The following MYO19 variants were observed in gnomAD, a reference collection of about 807,000 sequenced individuals.
MYO19 encodes the protein unconventional myosin-XIX.
Under a neutral mutation model 129.2 loss-of-function variants are expected in MYO19, and 132 were observed. The ratio of observed to expected loss-of-function variants is 1.02; its 90% CI spans 0.89 to 1.18. The LOEUF (loss-of-function observed/expected upper bound fraction) is 1.18. Among genes scored for constraint, MYO19 ranks in the 50% most tolerant of loss-of-function variants. The probability of loss-of-function intolerance (pLI) is 0.00; values close to 1 mark genes in which losing one functional copy is unlikely to be tolerated. For synonymous variants in MYO19, 531 were observed against 477.2 expected, an observed-to-expected ratio of 1.11 and a Z score of -1.47; for missense variants, 1,210 against 1,216.7, an observed-to-expected ratio of 0.99 and a Z score of 0.08.
At chr17:36,497,323 A>G (rs2071078890) in intron 25 of MYO19, among the ~76,000 whole-genome samples, 1 of 151,266 alleles carries the variant, frequency 6.6e-6, no homozygotes, top group Non-Finnish European at 1.5e-5. Flanking sequence ...ATAACATGAA[A>G]AAAAAAAAAA....
At chr17:36,503,562 C>G (rs1052381091) in intron 20 of MYO19, among the ~76,000 whole-genome samples, 2 of 152,210 alleles carry the variant, frequency 1.3e-5, no homozygotes. Context: ...CCACATCTCC[C>G]CTCTGACCTC....
Position 36,510,874 on chromosome 17 carries a change from G to A in MYO19, c.1029C>T (p.Asp343=), listed in dbSNP as rs1032683198. 23 of 1,582,358 alleles carry A rather than the reference G, an allele frequency of 1.5e-5. No homozygotes were observed. The highest frequency in any genetic ancestry group is 3.6e-5 in the Admixed American group (2 of 55,646). Residue 343 remains aspartate (D), a synonymous_variant, in exon 13 of 26, where the codon GAC becomes GAT. Transcript: ENST00000614623. ...TAATCTGCACCATCTCCAGCAGCACGTCCTCTGGGAGCCCCAGCAGCGAGG... is the reference window on the plus strand; with the variant it reads ...TAATCTGCACCATCTCCAGCAGCACATCCTCTGGGAGCCCCAGCAGCGAGG... ...TAASLLGLPE[D]VLLEMVQIRT... is the part of the protein sequence containing the mutation.
chr17:36,507,805 G>C lies in MYO19; in HGVS notation c.1351C>G (p.Gln451Glu). The change falls in exon 15 of 26, where the codon CAG (glutamine) becomes GAG (glutamate). Residue 451 changes from glutamine (Q) to glutamate (E), a missense_variant and splice_region_variant. Transcript: ENST00000614623. ...CTCCTGCTCACCCCATCCCTCACCTGCTGGGCCCTTAGGTAGTGAGCCACA... is the reference window on the plus strand; with the variant it reads ...CTCCTGCTCACCCCATCCCTCACCTCCTGGGCCCTTAGGTAGTGAGCCACA... ...HFVAHYLRAQ[Q>E]EEYAVEGLEW... 6.2e-7 allele frequency: 1 copy of C among 1,608,666 alleles called. No homozygotes were observed. Among genetic ancestry groups the C allele is most frequent in the Non-Finnish European group, 8.5e-7 (1 of 1,176,576 alleles).
rs771944453 is a variant in MYO19, at chr17:36,496,240, G to A, written c.*11C>T. ...CAGGAAAAGGCCTTGTGGAAACAAA[G>A]GCACCAAGGATCACCCCAGCCCAGT... is the stretch of plus-strand genomic sequence containing the variant. On this transcript the variant is annotated 3_prime_UTR_variant, in exon 26 of 26. Transcript: ENST00000614623. 3.7e-6 allele frequency: 6 copies of A among 1,613,240 alleles called. No homozygotes were observed. The highest frequency in any genetic ancestry group is 1.1e-5 in the South Asian group (1 of 91,062).
Position 36,525,339 on chromosome 17 carries a change from T to C in MYO19, c.303A>G (p.Lys101=). The C allele has an allele frequency of 6.2e-7, 1 of 1,609,244 alleles. No individual in the cohort carries two copies. Residue 101 remains lysine (K), a splice_region_variant and synonymous_variant, in exon 6 of 26, where the codon AAA becomes AAG. Transcript: ENST00000614623. Reference sequence around the variant, plus strand: ...CCACAGTGAACACATGGGGCTTCAGTTTCTGGAACATCAAGGAGTGAAAGG... The same window carrying C: ...CCACAGTGAACACATGGGGCTTCAGCTTCTGGAACATCAAGGAGTGAAAGG... The part of the protein sequence containing the change: ...REYHAAPQPQ[K]LKPHVFTVGE...
chr17:36,508,007 C>G (rs1044848293), intron 14 of MYO19, 83 bp from the exon 15 acceptor site: 1 of 1,445,230 alleles, frequency 6.9e-7, no homozygotes, highest in Non-Finnish European at 9.2e-7. Flanking sequence ...GGTGGCTGGG[C>G]CCCTGCCAAT....
chr17:36,523,950 T>C (rs969950455), intron 6 of MYO19, among the ~76,000 whole-genome samples: 11 of 152,224 alleles, frequency 7.2e-5, no homozygotes, highest in African/African-American at 2.7e-4. Context: ...CCTTGTAGTA[T>C]TGCTTGATTT....
chr17:36,538,759 TA>T (rs1272644605), upstream of MYO19: 170 of 758,052 alleles, frequency 2.2e-4, no homozygotes, highest in Non-Finnish European at 3.0e-4. Context: ...GATGCTTAAT[TA>T]TTTTTTTTTT....
At chr17:36,541,482 G>A (rs1223290810) in intron 2 of MYO19, among the ~76,000 whole-genome samples, 1 of 152,122 alleles carries the variant, frequency 6.6e-6, no homozygotes, top group African/African-American at 2.4e-5. Context: ...AGGTAGCCTG[G>A]AGAACAGATA....
At chr17:36,512,775 C>A (rs779332001) in intron 11 of MYO19, 21 of 1,288,310 alleles carry the variant, frequency 1.6e-5, no homozygotes, top group South Asian at 1.2e-4. Context: ...TCCCCTCCTG[C>A]TGCTCTAGAG....
Position 36,504,033 on chromosome 17 carries a change from G to A in MYO19, c.1906-13C>T, listed in dbSNP as rs1403680495. The stretch of plus-strand genomic sequence containing the variant: ...GCTGGCTCAGGACCTGCAAGGGTGG[G>A]GAGACAGGGCAGGCACCTGCAGCAT... On this transcript the variant is annotated splice_polypyrimidine_tract_variant and intron_variant, in intron 19 of 25. Transcript: ENST00000614623. The A allele has an allele frequency of 1.9e-6, 3 of 1,556,630 alleles. No homozygotes were observed. In the South Asian group the frequency reaches 3.6e-5, roughly 19 times the overall value.
upstream of MYO19, chr17:36,535,246 T>C (rs937354778): frequency 1.7e-4 from 25 of 144,032 alleles, no homozygotes; most frequent in Admixed American, 4.7e-4. Context: ...GCGGACACCA[T>C]TACCCTGATA....
intron 6 of MYO19, among the ~76,000 whole-genome samples, chr17:36,517,693 CCA>C (rs2072845770): frequency 2.0e-5 from 3 of 152,176 alleles, no homozygotes; most frequent in Admixed American, 1.3e-4. Flanking sequence ...TTAAGGTATG[CCA>C]CAGACTGAAT....
chr17:36,532,440 G>A, intron 3 of MYO19, 87 bp downstream of exon 3: 1 of 1,497,000 alleles, frequency 6.7e-7, no homozygotes, highest in Non-Finnish European at 9.1e-7. Context: ...AGACCTTTAA[G>A]GGGGCTTTCC....
Position 36,496,417 on chromosome 17 carries a change from G to C in MYO19, c.2758-11C>G, listed in dbSNP as rs755619694. The C allele has an allele frequency of 1.9e-6, 3 of 1,613,726 alleles. No individual in the cohort carries two copies. The highest frequency in any genetic ancestry group is 2.5e-6 in the Non-Finnish European group (3 of 1,179,694). The stretch of plus-strand genomic sequence containing the variant: ...AAACTTTATCGATCCCTAGAGGGGA[G>C]AGAGAGATGCAGCTTTAGCACTAGT... On this transcript the variant is annotated splice_polypyrimidine_tract_variant and intron_variant, in intron 25 of 25. Transcript: ENST00000614623.
chr17:36,541,012 G>A (rs562790267), intron 2 of MYO19, among the ~76,000 whole-genome samples: 54 of 151,238 alleles, frequency 3.6e-4, no homozygotes, highest in African/African-American at 1.1e-3. Context: ...TTTTTGAGGC[G>A]CAGTCTTGCT....
chr17:36,506,944 G>A lies in MYO19; in HGVS notation c.1644+19C>T, dbSNP rs1470077786. Reference sequence around the variant, plus strand: ...ATCTCGTTTCTCGCAGGCCCCACAGGGCATGGCCCAGCCCGTACCTTGTTC... The same window carrying A: ...ATCTCGTTTCTCGCAGGCCCCACAGAGCATGGCCCAGCCCGTACCTTGTTC... On this transcript the variant is annotated intron_variant, in intron 17 of 25. Transcript: ENST00000614623. 2 of 1,566,548 alleles carry A rather than the reference G, an allele frequency of 1.3e-6. No individual in the cohort carries two copies. Among genetic ancestry groups the A allele is most frequent in the African/African-American group, 1.4e-5 (1 of 73,854 alleles).
intron 3 of MYO19, 130 bp from the exon 4 acceptor site, chr17:36,528,332 C>T (rs1220756674): frequency 2.1e-6 from 2 of 953,588 alleles, no homozygotes; most frequent in Non-Finnish European, 3.0e-6. Context: ...CACGGTGAAA[C>T]CCCGTCTCTA....
chr17:36,495,986 T>C lies in MYO19; in HGVS notation c.*265A>G, dbSNP rs1272895649. ...CATGACTGCTGCTGAGTTTGATCTG[T>C]GAAGGTAGTGAAATGTGGCCCTGAT... On this transcript the variant is annotated 3_prime_UTR_variant, in exon 26 of 26. Coordinates refer to ENST00000614623, the MANE Select transcript of MYO19 (RefSeq NM_001163735.2). 3.4e-5 allele frequency: 28 copies of C among 819,160 alleles called. 1 individual carries two copies. The Admixed American group carries it at 9.9e-4, about 29-fold the overall frequency. 50.7% of individuals were successfully genotyped at this position (819,160 alleles called of 1,614,324 possible). A position where few individuals can be genotyped will look rare whatever the true frequency, so the allele number is the denominator to read the frequency against.
Sources: gnomAD v4.1 joint callset for allele counts (sites outside exome capture counted in the v4.1 genomes callset) on GRCh38, gnomAD v4.1.1 for gene constraint, MANE v1.5 for transcripts, NCBI Gene and HGNC (gene_info 2026-07-23, HGNC 2026-07-21) for gene names.